The following THSD4 variants were observed in gnomAD, a reference collection of about 807,000 sequenced individuals.
The protein encoded by THSD4 is thrombospondin type-1 domain-containing protein 4.
THSD4 carries 69 observed loss-of-function variants against 119.0 expected under a neutral mutation model. That is an observed-to-expected ratio of 0.58 (90% CI 0.48 to 0.71). THSD4 has a LOEUF of 0.71. THSD4 is among the 30% of genes least tolerant of loss of function. The probability of loss-of-function intolerance (pLI) is 0.00; values close to 1 mark genes in which losing one functional copy is unlikely to be tolerated. For missense variants in THSD4, 1,393 were observed against 1,391.1 expected (o/e 1.00, Z -0.02); for synonymous variants, 524 against 540.4 (o/e 0.97, Z 0.42).
intron 3 of THSD4, among the ~76,000 whole-genome samples, chr15:71,193,317 CGGA>C (rs1411970109): frequency 6.6e-6 from 1 of 152,132 alleles, no homozygotes; most frequent in Admixed American, 6.5e-5. Context: ...GTGGGCCATA[CGGA>C]ACTAGGAGCA....
At chr15:71,714,689 A>G (rs1199102063) in intron 8 of THSD4, among the ~76,000 whole-genome samples, 4 of 151,908 alleles carry the variant, frequency 2.6e-5, no homozygotes, top group African/African-American at 7.3e-5. Context: ...TCTCCTAAAA[A>G]TATAAAATTA....
intron 6 of THSD4, among the ~76,000 whole-genome samples, chr15:71,318,069 G>A (rs555463496): frequency 5.6e-4 from 85 of 152,266 alleles, no homozygotes; most frequent in African/African-American, 1.8e-3. Context: ...TGGCTTTTGG[G>A]GGGCAGTAGG....
intron 6 of THSD4, among the ~76,000 whole-genome samples, chr15:71,354,730 A>G (rs1596361072): frequency 6.6e-6 from 1 of 152,222 alleles, no homozygotes; most frequent in East Asian, 1.9e-4. Flanking sequence ...GGCATGCCAC[A>G]TGACCTCTTC....
chr15:71,374,935 A>G (rs2046111223), intron 6 of THSD4, among the ~76,000 whole-genome samples: 2 of 152,122 alleles, frequency 1.3e-5, no homozygotes, highest in Non-Finnish European at 2.9e-5. Flanking sequence ...GAAAGGGTGT[A>G]CTGTAGGGGC....
intron 7 of THSD4, among the ~76,000 whole-genome samples, chr15:71,439,238 C>G (rs896536751): frequency 8.5e-5 from 13 of 152,108 alleles, no homozygotes; most frequent in Non-Finnish European, 1.9e-4. Flanking sequence ...GCATATGGAT[C>G]ATAGCAATTT....
At chr15:71,727,575 TATATATATATATACAC>T (rs1430165305) in intron 8 of THSD4, among the ~76,000 whole-genome samples, 397 of 37,112 alleles carry the variant, frequency 0.011, 1 homozygote, top group Middle Eastern at 0.019. Context: ...TATATATATA[TATATATATATATACAC>T]ACACACACAC....
At chr15:71,138,061 A>G (rs1438503967) in intron 1 of THSD4, among the ~76,000 whole-genome samples, 1 of 151,946 alleles carries the variant, frequency 6.6e-6, no homozygotes, top group Non-Finnish European at 1.5e-5. Context: ...TGACACAACC[A>G]CTGTATCAGT....
At chr15:71,513,253 C>T (rs1210347467) in intron 7 of THSD4, among the ~76,000 whole-genome samples, 2 of 152,178 alleles carry the variant, frequency 1.3e-5, no homozygotes, top group Admixed American at 6.5e-5. Flanking sequence ...TTGTACATAG[C>T]GGGATTGTTA....
intron 7 of THSD4, among the ~76,000 whole-genome samples, chr15:71,436,810 T>G (rs1299729544): frequency 6.6e-6 from 1 of 152,170 alleles, no homozygotes; most frequent in Non-Finnish European, 1.5e-5. Context: ...GAGGGAAATG[T>G]GGCAATTTGA....
At chr15:71,757,559 G>GTTGGGATTACAGGTGCACACCA (rs1319732902) in intron 14 of THSD4, among the ~76,000 whole-genome samples, 122 of 3,026 alleles carry the variant, frequency 0.04, 1 homozygote, top group African/African-American at 0.076. Context: ...GCCTCCCAAA[G>GTTGGGATTACAGGTGCACACCA]CTCTGGTACC....
In THSD4 at chr15:71,728,692, G is replaced by C; in HGVS notation, c.1501G>C (p.Glu501Gln). Residue 501 changes from glutamate (E) to glutamine (Q), a missense_variant, in exon 9 of 18, where the codon GAA becomes CAA. Coordinates refer to ENST00000261862, the MANE Select transcript of THSD4 (RefSeq NM_024817.3). ...CACTGCCGGAGAGTCCTTTTTGGCG[G>C]AAGGTCCCACCAACGAGATCTTGGA... is the stretch of plus-strand genomic sequence containing the variant. Reference protein sequence around the residue: ...SSTAGESFLAEGPTNEILDVY... With the variant: ...SSTAGESFLAQGPTNEILDVY... 1 of 1,614,204 alleles carries C rather than the reference G, an allele frequency of 6.2e-7. No homozygotes were observed. The highest frequency in any genetic ancestry group is 8.5e-7 in the Non-Finnish European group (1 of 1,180,038).
rs79063832 is a variant in THSD4, at chr15:71,686,787, A to G, written c.1357+26053A>G. ...AAATATTTTAGGCTTTGCAGTCCCT[A>G]TGGACACTGTCACAACTACTCAACT... On this transcript the variant is annotated intron_variant, in intron 8 of 17. Coordinates refer to ENST00000261862, the MANE Select transcript of THSD4 (RefSeq NM_024817.3). Among the ~76,000 whole-genome samples, 148 of 152,314 alleles carry G rather than the reference A, an allele frequency of 9.7e-4. 1 individual carries two copies. Among genetic ancestry groups the G allele is most frequent in the African/African-American group, 3.4e-3 (140 of 41,580 alleles).
chr15:71,464,406 T>C (rs1037321347), intron 7 of THSD4, among the ~76,000 whole-genome samples: 1 of 152,142 alleles, frequency 6.6e-6, no homozygotes, highest in African/African-American at 2.4e-5. Flanking sequence ...GTATACTCTT[T>C]TTTTCTCCCT....
At chr15:71,363,756 G>A (rs1308682174) in intron 6 of THSD4, among the ~76,000 whole-genome samples, 1 of 152,116 alleles carries the variant, frequency 6.6e-6, no homozygotes, top group African/African-American at 2.4e-5. Context: ...GGCCTCTTGG[G>A]GACCAGGCAA....
intron 8 of THSD4, among the ~76,000 whole-genome samples, chr15:71,695,479 A>T (rs2052144418): frequency 6.7e-6 from 1 of 149,600 alleles, no homozygotes; most frequent in Non-Finnish European, 1.5e-5. Context: ...GTGTATATAC[A>T]CATAAAATAT....
At chr15:71,592,523 G>C (rs945647842) in intron 7 of THSD4, among the ~76,000 whole-genome samples, 1 of 152,034 alleles carries the variant, frequency 6.6e-6, no homozygotes, top group Non-Finnish European at 1.5e-5. Context: ...GGGTAGTTGG[G>C]TTCTGGTCTC....
At chr15:71,206,439 T>G (rs2043844557) in intron 3 of THSD4, among the ~76,000 whole-genome samples, 1 of 152,194 alleles carries the variant, frequency 6.6e-6, no homozygotes, top group South Asian at 2.1e-4. Flanking sequence ...AAAACTTTGT[T>G]CTCAGGGCTC....
At chr15:71,382,357 A>T (rs915763175) in intron 6 of THSD4, among the ~76,000 whole-genome samples, 3 of 152,206 alleles carry the variant, frequency 2.0e-5, no homozygotes, top group African/African-American at 7.2e-5. Flanking sequence ...AGAGGACCAA[A>T]TGCTAGTTTT....
intron 7 of THSD4, among the ~76,000 whole-genome samples, chr15:71,530,946 G>A (rs530942549): frequency 2.6e-4 from 39 of 152,018 alleles, no homozygotes; most frequent in Middle Eastern, 3.4e-3. Context: ...AATGGGGGGC[G>A]GGGGCATTGA....
Sources: gnomAD v4.1 joint callset for allele counts (sites outside exome capture counted in the v4.1 genomes callset) on GRCh38, gnomAD v4.1.1 for gene constraint, MANE v1.5 for transcripts, NCBI Gene and HGNC (gene_info 2026-07-23, HGNC 2026-07-21) for gene names.